The following PTPRT variants were observed in gnomAD, a reference collection of about 807,000 sequenced individuals.
PTPRT encodes receptor-type tyrosine-protein phosphatase T.
PTPRT carries 56 observed loss-of-function variants against 176.8 expected under a neutral mutation model. The ratio of observed to expected loss-of-function variants is 0.32; its 90% CI spans 0.26 to 0.40. The LOEUF (loss-of-function observed/expected upper bound fraction) is 0.40. Among genes scored for constraint, PTPRT ranks in the 10% least tolerant of loss-of-function variants. The probability of loss-of-function intolerance (pLI) is 1.00; values close to 1 mark genes in which losing one functional copy is unlikely to be tolerated. For missense variants in PTPRT, 1,540 were observed against 1,908.2 expected (o/e 0.81, Z 3.60); for synonymous variants, 783 against 739.0 (o/e 1.06, Z -0.96).
intron 2 of PTPRT, among the ~76,000 whole-genome samples, chr20:42,879,761 G>A (rs117350110): frequency 0.037 from 5,566 of 151,572 alleles, 142 homozygotes; most frequent in Non-Finnish European, 0.054. Context: ...GTGTGTGCGC[G>A]TGTGTGTGTG....
chr20:43,006,270 A>G (rs1984850304), intron 1 of PTPRT, among the ~76,000 whole-genome samples: 1 of 152,262 alleles, frequency 6.6e-6, no homozygotes, highest in South Asian at 2.1e-4. Flanking sequence ...TAACCTTTAC[A>G]TCTCATGAGA....
At chr20:42,419,173 C>T (rs1212003272) in intron 9 of PTPRT, among the ~76,000 whole-genome samples, 1 of 152,172 alleles carries the variant, frequency 6.6e-6, no homozygotes, top group Non-Finnish European at 1.5e-5. Flanking sequence ...ATGCATGAGG[C>T]CCCTGACTTT....
rs556922717 is a variant in PTPRT at position 42,835,435 on chromosome 20, T to C, written c.215-43969A>G. Reference sequence around the variant, plus strand: ...GCTTCCAGAGAACTCAGTAGATAGATGATATCCAAATGAAATAGAAAAGGA... The same window carrying C: ...GCTTCCAGAGAACTCAGTAGATAGACGATATCCAAATGAAATAGAAAAGGA... On this transcript the variant is annotated intron_variant, in intron 2 of 30. Coordinates refer to ENST00000373187, the MANE Select transcript of PTPRT (RefSeq NM_007050.6). Among the ~76,000 whole-genome samples the C allele has an allele frequency of 4.6e-5, 7 of 152,254 alleles. No individual in the cohort carries two copies. In the East Asian group the frequency reaches 1.4e-3, roughly 29 times the overall value.
At chr20:42,855,389 C>T (rs956009882) in intron 2 of PTPRT, among the ~76,000 whole-genome samples, 1 of 150,548 alleles carries the variant, frequency 6.6e-6, no homozygotes, top group East Asian at 1.9e-4. Flanking sequence ...TTTTAAGTGC[C>T]ACCTGGGCCA....
At chr20:42,797,413 T>C (rs972867029) in intron 2 of PTPRT, among the ~76,000 whole-genome samples, 4 of 152,198 alleles carry the variant, frequency 2.6e-5, no homozygotes, top group Non-Finnish European at 5.9e-5. Context: ...CGACTTCCAT[T>C]GAGGTCTTCC....
chr20:43,184,062 T>G (rs2146487715), intron 1 of PTPRT, among the ~76,000 whole-genome samples: 1 of 152,366 alleles, frequency 6.6e-6, no homozygotes, highest in Admixed American at 6.5e-5. Context: ...TGTTTAACTT[T>G]TTAAAGAAAC....
chr20:42,341,353 G>A lies in PTPRT; in HGVS notation c.1865+9275C>T, dbSNP rs115315446. Among the ~76,000 whole-genome samples the A allele has an allele frequency of 5.5e-3, 839 of 152,084 alleles. 7 individuals are homozygous for A. Among genetic ancestry groups the A allele is most frequent in the African/African-American group, 0.019 (803 of 41,478 alleles). ...ATCATCTTCATTTCTCTGTAGTCCT[G>A]GATCAACTTGTGTGTCTTTCTTCTT... is the stretch of plus-strand genomic sequence containing the variant. On this transcript the variant is annotated intron_variant, in intron 11 of 30. Coordinates refer to ENST00000373187, the MANE Select transcript of PTPRT (RefSeq NM_007050.6).
the PTPRT span, among the ~76,000 whole-genome samples, chr20:42,058,883 A>G: frequency 4.6e-5 from 7 of 152,064 alleles, no homozygotes. Flanking sequence ...AAAAGCTCAC[A>G]AGGATTGACC....
intron 7 of PTPRT, among the ~76,000 whole-genome samples, chr20:42,600,232 C>T (rs1048191101): frequency 3.9e-5 from 6 of 152,200 alleles, no homozygotes; most frequent in Admixed American, 1.3e-4. Context: ...CTCTGCCTCT[C>T]AGGTTCATGC....
At chr20:42,335,953 T>G (rs1310667982) in intron 11 of PTPRT, among the ~76,000 whole-genome samples, 2 of 152,178 alleles carry the variant, frequency 1.3e-5, no homozygotes, top group Non-Finnish European at 2.9e-5. Context: ...TGCATGATCT[T>G]GAGCAAGTTA....
chr20:43,123,002 G>T (rs1226847617), intron 1 of PTPRT, among the ~76,000 whole-genome samples: 1 of 152,008 alleles, frequency 6.6e-6, no homozygotes. Flanking sequence ...TTACAGGTGT[G>T]AGCCACCACA....
intron 7 of PTPRT, among the ~76,000 whole-genome samples, chr20:42,577,234 A>G (rs1168710894): frequency 3.3e-5 from 5 of 152,220 alleles, no homozygotes; most frequent in African/African-American, 1.2e-4. Context: ...TCACAGAAGC[A>G]TAATATGGTT....
chr20:42,486,044 GAC>G (rs1486868883), intron 7 of PTPRT, among the ~76,000 whole-genome samples: 1 of 152,200 alleles, frequency 6.6e-6, no homozygotes, highest in East Asian at 1.9e-4. Context: ...GTAGCTAGAA[GAC>G]ACATTATCTG....
chr20:43,016,552 C>CTTTTTTTTTTTTTTTTTTT lies in PTPRT; in HGVS notation c.89-130639_89-130621dup, dbSNP rs11482189. Among the ~76,000 whole-genome samples the CTTTTTTTTTTTTTTTTTTT allele has an allele frequency of 1.3e-4, 10 of 76,234 alleles. 1 individual carries two copies. The highest frequency in any genetic ancestry group is 7.0e-4 in the African/African-American group (10 of 14,282). The allele number at this position is 76,234 out of a possible 152,430, so 50.0% of individuals were successfully genotyped here. A position where few individuals can be genotyped will look rare whatever the true frequency, so the allele number is the denominator to read the frequency against. ...CATTTCTCTAACTGCTCTAAGGCCA[C>CTTTTTTTTTTTTTTTTTTT]TTTTTTTTTTTTTTTTTTTTTTTTT... is the stretch of plus-strand genomic sequence containing the variant. On this transcript the variant is annotated intron_variant, in intron 1 of 30. Transcript: ENST00000373187.
At position 42,074,547 on chromosome 20, in the gene PTPRT, A is replaced by T; in HGVS notation, c.*6332T>A. On this transcript the variant is annotated 3_prime_UTR_variant, in exon 31 of 31. Transcript: ENST00000373187. ...ACCACCCAGAGCAGTTCTCAGATAT[A>T]GAAGGAAGCCCCATAATGATCAAGC... The T allele has an allele frequency of 2.6e-6, 1 of 379,256 alleles. No homozygotes were observed. Among genetic ancestry groups the T allele is most frequent in the Non-Finnish European group, 4.7e-6 (1 of 214,278 alleles). The allele number at this position is 379,256 out of a possible 1,614,324, so 23.5% of individuals were successfully genotyped here.
At chr20:42,651,667 G>C (rs978015596) in intron 7 of PTPRT, among the ~76,000 whole-genome samples, 8 of 152,120 alleles carry the variant, frequency 5.3e-5, no homozygotes, top group Admixed American at 5.2e-4. Flanking sequence ...GCTTCATCTA[G>C]GTTCAAAGTT....
chr20:42,661,789 A>G (rs1327545370), intron 7 of PTPRT, among the ~76,000 whole-genome samples: 4 of 152,194 alleles, frequency 2.6e-5, no homozygotes, highest in Admixed American at 2.6e-4. Flanking sequence ...GGGATTTAGA[A>G]ACAACTGACA....
intron 6 of PTPRT, among the ~76,000 whole-genome samples, chr20:42,703,746 A>G (rs887242937): frequency 1.3e-5 from 2 of 152,212 alleles, no homozygotes; most frequent in Admixed American, 6.5e-5. Flanking sequence ...TCACTTATAG[A>G]AACATCACGT....
At chr20:42,889,480 C>A (rs2079156195) in intron 1 of PTPRT, among the ~76,000 whole-genome samples, 1 of 152,244 alleles carries the variant, frequency 6.6e-6, no homozygotes. Flanking sequence ...CTATTCCACT[C>A]TGCCAGGATT....
Sources: gnomAD v4.1 joint callset for allele counts (sites outside exome capture counted in the v4.1 genomes callset) on GRCh38, gnomAD v4.1.1 for gene constraint, MANE v1.5 for transcripts, NCBI Gene and HGNC (gene_info 2026-07-23, HGNC 2026-07-21) for gene names.